The following ZC3H7A variants were observed in gnomAD, a reference collection of about 807,000 sequenced individuals.
ZC3H7A encodes zinc finger CCCH domain-containing protein 7A.
A neutral mutation model predicts 125.5 loss-of-function variants in ZC3H7A; 44 were observed. That is an observed-to-expected ratio of 0.35 (90% confidence interval 0.28 to 0.45). The LOEUF (loss-of-function observed/expected upper bound fraction) is 0.45. Ranked by LOEUF, ZC3H7A falls within the 20% of genes least tolerant of loss-of-function variation. The pLI is 1.00. For synonymous variants in ZC3H7A, 399 were observed against 391.2 expected, an observed-to-expected ratio of 1.02 and a Z score of -0.23; for missense variants, 977 against 1,170.7, an observed-to-expected ratio of 0.83 and a Z score of 2.41.
At chr16:11,762,992 T>C (rs1284183470) in intron 16 of ZC3H7A, 58 of 433,396 alleles carry the variant, frequency 1.3e-4, no homozygotes, top group Non-Finnish European at 2.3e-4. Flanking sequence ...CAGTAATTAA[T>C]GACATGAGAA....
chr16:11,760,056 T>G, intron 19 of ZC3H7A, among the ~76,000 whole-genome samples: 1 of 124,026 alleles, frequency 8.1e-6, no homozygotes. Flanking sequence ...GAGGTGGAGG[T>G]GGAGGCTGCG....
chr16:11,790,490 A>C (rs1000376041), intron 1 of ZC3H7A, among the ~76,000 whole-genome samples: 2 of 152,018 alleles, frequency 1.3e-5, no homozygotes, highest in Non-Finnish European at 2.9e-5. Flanking sequence ...ATTTGATGTC[A>C]ATCTTTTGAC....
intron 17 of ZC3H7A, among the ~76,000 whole-genome samples, 195 bp downstream of exon 17, chr16:11,762,476 C>G (rs2052768829): frequency 2.0e-5 from 3 of 152,034 alleles, no homozygotes; most frequent in Admixed American, 2.0e-4. Flanking sequence ...TCTTGGCAAG[C>G]ATTGTGGGCT....
intron 9 of ZC3H7A, 90 bp downstream of exon 9, chr16:11,774,146 G>GC: frequency 7.8e-7 from 1 of 1,276,992 alleles, no homozygotes; most frequent in Admixed American, 3.3e-5. Flanking sequence ...CAGCCTATAT[G>GC]CAATACTGAA....
At chr16:11,751,540 T>C (rs773493935) in intron 22 of ZC3H7A, 34 bp from the exon 23 acceptor site, 1 of 1,573,028 alleles carries the variant, frequency 6.4e-7, no homozygotes, top group Non-Finnish European at 8.6e-7. Flanking sequence ...AGTGTCCATA[T>C]AAGTTGTTTC....
intron 21 of ZC3H7A, 117 bp from the exon 22 acceptor site, chr16:11,752,949 T>C (rs1475268222): frequency 3.0e-6 from 4 of 1,327,596 alleles, no homozygotes; most frequent in African/African-American, 1.5e-5. Flanking sequence ...AGGTTAGAAA[T>C]AGGGACAAGG....
At chr16:11,767,214 G>A (rs547985801) in intron 13 of ZC3H7A, among the ~76,000 whole-genome samples, 37 of 152,266 alleles carry the variant, frequency 2.4e-4, no homozygotes, top group Non-Finnish European at 4.1e-4. Context: ...GTAACAAACT[G>A]TACAAGTCTG....
intron 17 of ZC3H7A, among the ~76,000 whole-genome samples, chr16:11,762,252 A>G (rs1436803255): frequency 6.6e-6 from 1 of 152,184 alleles, no homozygotes; most frequent in African/African-American, 2.4e-5. Flanking sequence ...ATAGATGCCA[A>G]ACTTTAATTT....
intron 21 of ZC3H7A, 171 bp from the exon 22 acceptor site, chr16:11,753,003 GAGA>G: frequency 1.5e-6 from 1 of 682,884 alleles, no homozygotes; most frequent in Non-Finnish European, 2.3e-6. Context: ...TCAGGACACA[GAGA>G]AGAAGGGTGA....
At chr16:11,770,427 A>G (rs2052959966) in intron 10 of ZC3H7A, among the ~76,000 whole-genome samples, 1 of 152,206 alleles carries the variant, frequency 6.6e-6, no homozygotes, top group African/African-American at 2.4e-5. Context: ...GTTTGCCTAG[A>G]TCAGAATTTA....
chr16:11,763,300 G>A (rs1435626589), intron 16 of ZC3H7A, 178 bp downstream of exon 16: 1 of 475,498 alleles, frequency 2.1e-6, no homozygotes, highest in East Asian at 3.6e-5. Context: ...TAGAGATGGG[G>A]ATTTTGCCGT....
chr16:11,792,483 T>C (rs1048831386), intron 1 of ZC3H7A, among the ~76,000 whole-genome samples: 20 of 152,230 alleles, frequency 1.3e-4, no homozygotes, highest in African/African-American at 4.6e-4. Flanking sequence ...CCATGAGCTT[T>C]TGACCTTACA....
In ZC3H7A at chr16:11,761,943, T is replaced by C; in HGVS notation, c.2180A>G (p.Asn727Ser). ...TGCTTTTGCACTACAATATTTTCTG[T>C]TTTTGTCTGGTTCAATGACTTGACC... Reference protein sequence around the residue: ...RNGQVIEPDKNRKYCSAKARH... With the variant: ...RNGQVIEPDKSRKYCSAKARH... The change falls in exon 18 of 23, where the codon AAC becomes AGC. Residue 727 changes from asparagine to serine, a missense_variant. Asn to Ser is a conservative substitution (Grantham distance 46, BLOSUM62 1). This residue lies in a region of ZC3H7A where 436 missense variants were observed against 603.2 expected (regional missense o/e 0.72). Transcript: ENST00000355758. 1 of 1,613,342 alleles carries C rather than the reference T, an allele frequency of 6.2e-7. No homozygotes were observed. Among genetic ancestry groups the C allele is most frequent in the Non-Finnish European group, 8.5e-7 (1 of 1,179,872 alleles).
At position 11,751,392 on chromosome 16, in the gene ZC3H7A, T is replaced by G. The variant is rs2052550652; in HGVS notation, c.2841A>C (p.Ala947=). The part of the protein sequence containing the change: ...RDALKMKLNK[A]RKDHLIGPND... ...TTGGGCCAATTAAGTGATCTTTTCG[T>G]GCTTTGTTGAGCTTCATCTTTAGGG... The change falls in exon 23 of 23, where the codon GCA becomes GCC. Residue 947 remains alanine (A), a synonymous_variant. Coordinates refer to ENST00000355758, the MANE Select transcript of ZC3H7A (RefSeq NM_014153.4). 1 of 1,614,090 alleles carries G rather than the reference T, an allele frequency of 6.2e-7. No individual in the cohort carries two copies.
At chr16:11,779,875 T>A (rs1455048766) in intron 3 of ZC3H7A, among the ~76,000 whole-genome samples, 1 of 102,518 alleles carries the variant, frequency 9.8e-6, no homozygotes, top group East Asian at 5.6e-4. Flanking sequence ...TTGTGTTTAT[T>A]TATTTTTTTT....
chr16:11,785,409 G>A (rs2141214137), intron 1 of ZC3H7A, among the ~76,000 whole-genome samples: 1 of 152,066 alleles, frequency 6.6e-6, no homozygotes, highest in African/African-American at 2.4e-5. Flanking sequence ...AGATGATGGA[G>A]GCAGGAGGAT....
chr16:11,783,474 A>T (rs1436405377), intron 1 of ZC3H7A, among the ~76,000 whole-genome samples: 1 of 152,084 alleles, frequency 6.6e-6, no homozygotes, highest in African/African-American at 2.4e-5. Context: ...GGGCTAGCTA[A>T]TTCCTTGTCT....
At chr16:11,776,636 C>T in intron 5 of ZC3H7A, 104 bp from the exon 6 acceptor site, 1 of 1,489,622 alleles carries the variant, frequency 6.7e-7, no homozygotes, top group Non-Finnish European at 9.0e-7. Flanking sequence ...GCTTCATTAG[C>T]ATTTATACCC....
At chr16:11,788,416 T>C (rs2053291942) in intron 1 of ZC3H7A, among the ~76,000 whole-genome samples, 1 of 152,172 alleles carries the variant, frequency 6.6e-6, no homozygotes, top group African/African-American at 2.4e-5. Flanking sequence ...TCTGGCCTGT[T>C]TGACAGTTCC....
Sources: gnomAD v4.1 joint callset for allele counts (sites outside exome capture counted in the v4.1 genomes callset) on GRCh38, gnomAD v4.1.1 for gene constraint, gnomAD v4.1.1 regional missense constraint, MANE v1.5 for transcripts, NCBI Gene and HGNC (gene_info 2026-07-23, HGNC 2026-07-21) for gene names.